The following GRIN2B variants were observed in gnomAD, a reference collection of about 807,000 sequenced individuals.
GRIN2B encodes glutamate receptor ionotropic, NMDA 2B.
GRIN2B carries 5 observed loss-of-function variants against 114.5 expected under a neutral mutation model. That is an observed-to-expected ratio of 0.04 (90% CI 0.02 to 0.09). The LOEUF (loss-of-function observed/expected upper bound fraction) is 0.09. Among genes scored for constraint, GRIN2B ranks in the 10% least tolerant of loss-of-function variants. GRIN2B has a pLI of 1.00. For missense variants in GRIN2B, 1,108 were observed against 1,943.5 expected (o/e 0.57, Z 8.08); for synonymous variants, 787 against 745.1 (o/e 1.06, Z -0.92).
chr12:13,948,171 G>A (rs1283782409), intron 2 of GRIN2B, among the ~76,000 whole-genome samples: 1 of 152,154 alleles, frequency 6.6e-6, no homozygotes, highest in Admixed American at 6.5e-5. Flanking sequence ...ATAGCTACAA[G>A]AAAGAAGGTT....
At chr12:13,834,020 C>CTTTTTTTTTTTTTTT (rs71067731) in intron 3 of GRIN2B, among the ~76,000 whole-genome samples, 1 of 72,540 alleles carries the variant, frequency 1.4e-5, no homozygotes, top group African/African-American at 5.2e-5. Flanking sequence ...TTGCTAACTT[C>CTTTTTTTTTTTTTTT]TTTTTTTTTT....
At chr12:13,834,980 TG>T (rs1865232370) in intron 3 of GRIN2B, among the ~76,000 whole-genome samples, 1 of 152,228 alleles carries the variant, frequency 6.6e-6, no homozygotes, top group South Asian at 2.1e-4. Flanking sequence ...CTGCTCTAAG[TG>T]TGGGCCAAGG....
chr12:13,667,142 A>C (rs1949984070), intron 5 of GRIN2B, among the ~76,000 whole-genome samples: 1 of 152,162 alleles, frequency 6.6e-6, no homozygotes, highest in Admixed American at 6.5e-5. Context: ...CTCAACTTTC[A>C]AGAAAATGAA....
intron 3 of GRIN2B, among the ~76,000 whole-genome samples, chr12:13,796,475 A>G (rs979559467): frequency 2.0e-5 from 3 of 152,358 alleles, no homozygotes; most frequent in African/African-American, 7.2e-5. Context: ...TGGGTTTACA[A>G]ATCACCAGAC....
chr12:13,889,239 T>A (rs1028402198), intron 2 of GRIN2B, among the ~76,000 whole-genome samples: 9 of 152,148 alleles, frequency 5.9e-5, no homozygotes, highest in South Asian at 2.1e-4. Context: ...TCCATTATCA[T>A]CTTATGGGAC....
intron 3 of GRIN2B, among the ~76,000 whole-genome samples, chr12:13,774,958 G>T: frequency 1.3e-5 from 2 of 152,256 alleles, no homozygotes; most frequent in South Asian, 4.2e-4. Context: ...AATCAGGAAA[G>T]TTCCCATGCA....
intron 3 of GRIN2B, among the ~76,000 whole-genome samples, chr12:13,831,161 G>C (rs1004572621): frequency 6.6e-6 from 1 of 152,216 alleles, no homozygotes; most frequent in African/African-American, 2.4e-5. Context: ...TCCACCTTCA[G>C]AGGAAGCAGC....
At chr12:13,936,253 T>C (rs561553171) in intron 2 of GRIN2B, among the ~76,000 whole-genome samples, 2 of 152,168 alleles carry the variant, frequency 1.3e-5, no homozygotes, top group Non-Finnish European at 2.9e-5. Context: ...GAAAGAGAAG[T>C]GCTGGAGCTG....
intron 8 of GRIN2B, among the ~76,000 whole-genome samples, chr12:13,614,496 A>G (rs969653392): frequency 1.3e-5 from 2 of 151,972 alleles, no homozygotes; most frequent in Admixed American, 1.3e-4. Flanking sequence ...TCTTGGCCTC[A>G]TCTCACCCAG....
intron 3 of GRIN2B, among the ~76,000 whole-genome samples, chr12:13,834,282 C>A (rs888114304): frequency 6.6e-6 from 1 of 150,716 alleles, no homozygotes; most frequent in African/African-American, 2.4e-5. Context: ...CGTGATCCAC[C>A]CTCCTCGGCC....
chr12:13,696,683 T>C (rs969174846), intron 4 of GRIN2B, among the ~76,000 whole-genome samples: 1 of 152,162 alleles, frequency 6.6e-6, no homozygotes, highest in African/African-American at 2.4e-5. Context: ...CATTACGGCA[T>C]CATATTACAG....
intron 11 of GRIN2B, among the ~76,000 whole-genome samples, chr12:13,570,302 A>T (rs1412161172): frequency 2.0e-5 from 3 of 152,258 alleles, no homozygotes; most frequent in Non-Finnish European, 4.4e-5. Context: ...AAGAAGGAGT[A>T]AAAAGGGATC....
chr12:13,760,871 A>C (rs1308642515), intron 3 of GRIN2B, among the ~76,000 whole-genome samples: 1 of 152,192 alleles, frequency 6.6e-6, no homozygotes, highest in East Asian at 1.9e-4. Context: ...TCCTTTGATG[A>C]GTAGAAATTC....
intron 3 of GRIN2B, among the ~76,000 whole-genome samples, chr12:13,780,721 A>T (rs1864094631): frequency 1.3e-5 from 2 of 152,132 alleles, no homozygotes. Flanking sequence ...CAAGAGTGAG[A>T]AATAATCTAA....
At chr12:13,623,838 A>T (rs1448440757) in intron 5 of GRIN2B, among the ~76,000 whole-genome samples, 1 of 152,338 alleles carries the variant, frequency 6.6e-6, no homozygotes, top group East Asian at 1.9e-4. Flanking sequence ...TTCCTACCTA[A>T]CTTGTAAAAC....
intron 3 of GRIN2B, among the ~76,000 whole-genome samples, chr12:13,841,394 G>T (rs1414806948): frequency 1.3e-5 from 2 of 152,144 alleles, no homozygotes; most frequent in African/African-American, 4.8e-5. Context: ...TGTCACACGG[G>T]ACAGAAATAA....
chr12:13,628,460 A>G (rs1245248391), intron 5 of GRIN2B, among the ~76,000 whole-genome samples: 1 of 152,256 alleles, frequency 6.6e-6, no homozygotes, highest in Non-Finnish European at 1.5e-5. Flanking sequence ...TGTTTAAAGA[A>G]AAGTTTACTT....
At chr12:13,786,029 C>A (rs1864216505) in intron 3 of GRIN2B, among the ~76,000 whole-genome samples, 1 of 152,166 alleles carries the variant, frequency 6.6e-6, no homozygotes. Flanking sequence ...CATCATGAAT[C>A]AAAATATTTT....
intron 5 of GRIN2B, among the ~76,000 whole-genome samples, chr12:13,617,264 G>A (rs780738581): frequency 6.6e-6 from 1 of 152,254 alleles, no homozygotes; most frequent in Non-Finnish European, 1.5e-5. Flanking sequence ...TGGGAAGGGA[G>A]CACAGTTAGG....
Sources: gnomAD v4.1 joint callset for allele counts (sites outside exome capture counted in the v4.1 genomes callset) on GRCh38, gnomAD v4.1.1 for gene constraint, MANE v1.5 for transcripts, NCBI Gene and HGNC (gene_info 2026-07-23, HGNC 2026-07-21) for gene names.